The following ZFHX3 variants were observed in gnomAD, a reference collection of about 807,000 sequenced individuals.
ZFHX3 encodes zinc finger homeobox protein 3.
Under a neutral mutation model 279.1 loss-of-function variants are expected in ZFHX3, and 42 were observed. The observed-to-expected ratio is 0.15, with a 90% CI of 0.12 to 0.19. The LOEUF is 0.19. Ranked by LOEUF, ZFHX3 falls within the 10% of genes least tolerant of loss-of-function variation. The probability of loss-of-function intolerance (pLI) is 1.00; values close to 1 mark genes in which losing one functional copy is unlikely to be tolerated. For synonymous variants in ZFHX3, 2,293 were observed against 1,957.8 expected, an observed-to-expected ratio of 1.17 and a Z score of -4.52; for missense variants, 4,981 against 4,754.0, an observed-to-expected ratio of 1.05 and a Z score of -1.40.
rs1307357222 is a variant in ZFHX3, at chr16:72,787,399, G to A, written c.10877C>T (p.Ala3626Val). ...AGGAGGAAAAGAAGGGGGCTTCGCTGCCGAAGCCCGGGAGACCACTTGCGG... is the reference window on the plus strand; with the variant it reads ...AGGAGGAAAAGAAGGGGGCTTCGCTACCGAAGCCCGGGAGACCACTTGCGG... ...SWPQVVSRASAAKPPSFPPLS... is the reference protein window; with the variant it reads ...SWPQVVSRASVAKPPSFPPLS... Residue 3626 changes from alanine (A) to valine (V), a missense_variant, in exon 10 of 10, where the codon GCA becomes GTA. By Grantham distance (64) the Ala-to-Val change is moderately conservative (BLOSUM62 0). This residue lies in a region of ZFHX3 where 1,034 missense variants were observed against 786.0 expected (regional missense o/e 1.32). Coordinates refer to ENST00000268489, the MANE Select transcript of ZFHX3 (RefSeq NM_006885.4). 6.3e-7 allele frequency: 1 copy of A among 1,599,800 alleles called. No homozygotes were observed. Among genetic ancestry groups the A allele is most frequent in the South Asian group, 1.1e-5 (1 of 90,242 alleles).
At chr16:73,813,376 C>A (rs1960477225) in intron 1 of ZFHX3, among the ~76,000 whole-genome samples, 1 of 152,058 alleles carries the variant, frequency 6.6e-6, no homozygotes, top group African/African-American at 2.4e-5. Context: ...GCGGCCAGGA[C>A]TGGGGGCCTC....
intron 3 of ZFHX3, chr16:73,402,563 C>G (rs1418526734): frequency 6.6e-6 from 1 of 152,190 alleles, no homozygotes; most frequent in Non-Finnish European, 1.5e-5. Context: ...GGTTAACAGA[C>G]CAGGAACGAC....
chr16:73,479,666 C>CA (rs2018830030), intron 2 of ZFHX3, among the ~76,000 whole-genome samples: 1 of 152,142 alleles, frequency 6.6e-6, no homozygotes, highest in Non-Finnish European at 1.5e-5. Flanking sequence ...TCCTGTGTCA[C>CA]CATGCCTCCT....
At chr16:73,756,639 G>C (rs754191156) in intron 1 of ZFHX3, among the ~76,000 whole-genome samples, 63 of 152,246 alleles carry the variant, frequency 4.1e-4, no homozygotes, top group Non-Finnish European at 6.6e-4. Context: ...ATCAGAAAGA[G>C]TTGCAAGAAT....
intron 1 of ZFHX3, among the ~76,000 whole-genome samples, chr16:72,965,520 A>C (rs763783448): frequency 1.3e-5 from 2 of 152,250 alleles, no homozygotes; most frequent in Non-Finnish European, 2.9e-5. Context: ...CCTACAGATC[A>C]GGAAACATAT....
intron 5 of ZFHX3, among the ~76,000 whole-genome samples, chr16:73,147,952 T>C (rs1019124396): frequency 2.6e-5 from 4 of 152,324 alleles, no homozygotes; most frequent in African/African-American, 9.6e-5. Flanking sequence ...ATAATATATC[T>C]TCTCTTTGTG....
chr16:73,076,849 C>T (rs1214781749), intron 8 of ZFHX3, among the ~76,000 whole-genome samples: 1 of 151,928 alleles, frequency 6.6e-6, no homozygotes. Flanking sequence ...GCGGCATTAA[C>T]TTTATTTTAT....
In ZFHX3 at chr16:73,135,515, C is replaced by T. The variant is rs1330635420; in HGVS notation, c.-1023-4421G>A. ...ATGTAAATTATCCATTCCAAGCTTT[C>T]GACCCTGCTGCCATTTTTAGTTCCG... On this transcript the variant is annotated intron_variant, in intron 6 of 17. Coordinates refer to the ZFHX3 transcript ENST00000641206. 3.3e-5 allele frequency among the ~76,000 whole-genome samples: 5 copies of T among 152,302 alleles called. No individual in the cohort carries two copies. In the South Asian group the frequency reaches 6.2e-4, roughly 19 times the overall value.
intron 4 of ZFHX3, among the ~76,000 whole-genome samples, chr16:72,836,847 G>C (rs879808564): frequency 6.6e-6 from 1 of 152,184 alleles, no homozygotes; most frequent in South Asian, 2.1e-4. Flanking sequence ...TGAAGACTGA[G>C]TGCAGATGTG....
At chr16:73,338,582 G>A (rs1031732245) in intron 3 of ZFHX3, among the ~76,000 whole-genome samples, 3 of 152,000 alleles carry the variant, frequency 2.0e-5, no homozygotes, top group African/African-American at 7.2e-5. Flanking sequence ...TGATCGATTC[G>A]ATGGAATCAT....
intron 7 of ZFHX3, among the ~76,000 whole-genome samples, chr16:72,806,681 T>C (rs547494628): frequency 2.6e-4 from 40 of 151,884 alleles, no homozygotes; most frequent in Admixed American, 1.8e-3. Flanking sequence ...ACATGAAGCA[T>C]AGAGAGTCAC....
In ZFHX3 at chr16:73,682,991, A is replaced by AAAAGAAAGAAAGAAAGAAAG. The variant is rs796634470; in HGVS notation, c.-1607-2771_-1607-2752dup. ...GAAAGAAAGAAAGAAAGAAAGAAAG[A>AAAAGAAAGAAAGAAAGAAAG]AAAGAAAGAAAGAAAGAAAGAGAAA... On this transcript the variant is annotated intron_variant, in intron 1 of 17. Coordinates refer to the ZFHX3 transcript ENST00000641206. Among the ~76,000 whole-genome samples, 7 of 42,420 alleles carry AAAAGAAAGAAAGAAAGAAAG rather than the reference A, an allele frequency of 1.7e-4. 2 individuals are homozygous for AAAAGAAAGAAAGAAAGAAAG. Among genetic ancestry groups the AAAAGAAAGAAAGAAAGAAAG allele is most frequent in the African/African-American group, 5.3e-4 (7 of 13,242 alleles). The allele number at this position is 42,420 out of a possible 152,430, so 27.8% of individuals were successfully genotyped here.
At chr16:72,981,897 T>C (rs911897899) in intron 1 of ZFHX3, among the ~76,000 whole-genome samples, 9 of 106,052 alleles carry the variant, frequency 8.5e-5, no homozygotes, top group South Asian at 3.2e-4. Flanking sequence ...TTTTTTTTTT[T>C]CCTGAGATGG....
At chr16:73,013,547 C>A (rs550355315) in intron 1 of ZFHX3, among the ~76,000 whole-genome samples, 2 of 152,158 alleles carry the variant, frequency 1.3e-5, no homozygotes, top group Non-Finnish European at 2.9e-5. Flanking sequence ...CTTGGCCTCC[C>A]AAAGTGCTGG....
At chr16:73,772,603 AG>A (rs2054031019) in intron 1 of ZFHX3, among the ~76,000 whole-genome samples, 1 of 152,170 alleles carries the variant, frequency 6.6e-6, no homozygotes, top group African/African-American at 2.4e-5. Flanking sequence ...TCCGTTCTGC[AG>A]TTAGCTAGTC....
rs1215569275 is a variant in ZFHX3 at position 72,795,447 on chromosome 16, T to C, written c.7235A>G (p.Glu2412Gly). Residue 2412 changes from glutamate (E) to glycine (G), a missense_variant, in exon 9 of 10, where the codon GAG becomes GGG. Glu to Gly is a moderately conservative substitution (Grantham distance 98, BLOSUM62 -2). This residue lies in a region of ZFHX3 where 744 missense variants were observed against 701.3 expected (regional missense o/e 1.06). Transcript: ENST00000268489. Reference protein sequence around the residue: ...ASSAFLQLTAEAEELATFNSK... With the variant: ...ASSAFLQLTAGAEELATFNSK... ...ATTGAAGGTGGCCAGTTCCTCAGCC[T>C]CCGCTGTAAGCTGCAAGAAAGCGGA... 6.2e-7 allele frequency: 1 copy of C among 1,614,038 alleles called. No homozygotes were observed. The highest frequency in any genetic ancestry group is 1.3e-5 in the African/African-American group (1 of 74,904).
chr16:72,787,053 TTTTG>T lies in ZFHX3; in HGVS notation c.*107_*110del. The stretch of plus-strand genomic sequence containing the variant: ...TTCTTTTTTTTCTTTTTTTTTTTTT[TTTTG>T]TTTTTTGGTTAGAAGCTTTGGAATT... On this transcript the variant is annotated 3_prime_UTR_variant, in exon 10 of 10. Transcript: ENST00000268489. The T allele has an allele frequency of 9.4e-7, 1 of 1,069,460 alleles. No homozygotes were observed. The highest frequency in any genetic ancestry group is 1.2e-6 in the Non-Finnish European group (1 of 841,756). The allele number at this position is 1,069,460 out of a possible 1,614,324, so 66.2% of individuals were successfully genotyped here.
intron 2 of ZFHX3, among the ~76,000 whole-genome samples, chr16:72,953,082 T>C (rs1961072600): frequency 6.6e-6 from 1 of 152,168 alleles, no homozygotes; most frequent in African/African-American, 2.4e-5. Flanking sequence ...ACAAGTCACC[T>C]CGAGTGATAA....
At chr16:73,768,995 G>A (rs1280060614) in intron 1 of ZFHX3, among the ~76,000 whole-genome samples, 3 of 151,978 alleles carry the variant, frequency 2.0e-5, no homozygotes, top group Non-Finnish European at 4.4e-5. Context: ...ATCATTTTTG[G>A]TACAAATATG....
Sources: allele counts gnomAD v4.1 joint callset (sites outside exome capture counted in the v4.1 genomes callset), GRCh38; gene constraint gnomAD v4.1.1; regional missense constraint gnomAD v4.1.1; transcripts MANE v1.5; gene names NCBI Gene and HGNC (gene_info 2026-07-23, HGNC 2026-07-21).